Variants in TAB3 observed in about 807,000 individuals in gnomAD.
The protein encoded by TAB3 is TGF-beta-activated kinase 1 and MAP3K7-binding protein 3.
TAB3 carries 18 observed loss-of-function variants against 48.1 expected under a neutral mutation model. That is an observed-to-expected ratio of 0.37 (90% CI 0.26 to 0.55). The LOEUF is 0.55. Ranked by LOEUF, TAB3 falls within the 20% of genes least tolerant of loss-of-function variation. The pLI, the probability that TAB3 is intolerant of heterozygous loss-of-function variation, is 0.78. For synonymous variants in TAB3, 185 were observed against 190.2 expected (o/e 0.97, Z 0.22); for missense variants, 414 against 549.8 (o/e 0.75, Z 2.47).
At chrX:30,840,383 G>A (rs1938397866) in intron 9 of TAB3, among the ~76,000 whole-genome samples, 1 of 111,601 alleles carries the variant, frequency 9.0e-6, no homozygotes, top group Non-Finnish European at 1.9e-5. Context: ...ACTATCGCAT[G>A]GGAAAGAATT....
rs1208897320 is a variant in TAB3, at chrX:30,854,422, A to G, written c.1243T>C (p.Ser415Pro). ...PPSSSPSRGI[S>P]SQPKPPFSVN... is the part of the protein sequence containing the mutation. ...CTAAATGGAGGTTTTGGTTGACTAG[A>G]TATCCCTCTTGAAGGAGAACTTGAA... Residue 415 changes from serine (S) to proline (P), a missense_variant, in exon 6 of 11, where the codon TCT (serine) becomes CCT (proline). Ser to Pro is a moderately conservative substitution (Grantham distance 74). Coordinates refer to ENST00000288422, the MANE Select transcript of TAB3 (RefSeq NM_152787.5). 8.3e-7 allele frequency: 1 copy of G among 1,211,581 alleles called. No individual in the cohort carries two copies. Among genetic ancestry groups the G allele is most frequent in the Admixed American group, 2.2e-5 (1 of 46,055 alleles).
chrX:30,852,366 C>G (rs777152224), intron 7 of TAB3, among the ~76,000 whole-genome samples: 2 of 111,607 alleles, frequency 1.8e-5, no homozygotes, highest in Admixed American at 1.9e-4. Flanking sequence ...TCTAACTCAT[C>G]TGAATTAATG....
chrX:30,863,785 A>C (rs1454065101), intron 4 of TAB3, among the ~76,000 whole-genome samples: 1 of 112,059 alleles, frequency 8.9e-6, no homozygotes, highest in East Asian at 2.8e-4. Context: ...CTTTACAGTG[A>C]CATAAGAATG....
intron 10 of TAB3, among the ~76,000 whole-genome samples, chrX:30,833,308 C>T (rs139972526): frequency 1.8e-5 from 2 of 110,035 alleles, no homozygotes; most frequent in African/African-American, 3.3e-5. Flanking sequence ...TTTGTCTTTA[C>T]CTTTTAAAAG....
Position 30,855,030 on chromosome X carries a change from G to A in TAB3, c.635C>T (p.Ala212Val), listed in dbSNP as rs1939014109. 8.3e-7 allele frequency: 1 copy of A among 1,209,368 alleles called. No homozygotes were observed. The highest frequency in any genetic ancestry group is 2.2e-5 in the Admixed American group (1 of 45,690). ...TGGAATTTGTGGAAGAATTTGTAAA[G>A]CTCTTGGTACAGTCTGTCCAGAAGG... Reference protein sequence around the residue: ...NLPSGQTVPRALQILPQIPSN... With the variant: ...NLPSGQTVPRVLQILPQIPSN... Residue 212 changes from alanine (A) to valine (V), a missense_variant, in exon 6 of 11, where the codon GCT becomes GTT. Physicochemically the swap from Ala to Val is moderately conservative, Grantham distance 64. Transcript: ENST00000288422.
chrX:30,856,526 G>A (rs1253608153), intron 5 of TAB3, among the ~76,000 whole-genome samples: 4 of 112,078 alleles, frequency 3.6e-5, no homozygotes, highest in Non-Finnish European at 5.6e-5. Flanking sequence ...CTAGTGTAAA[G>A]CACATATTAT....
intron 4 of TAB3, among the ~76,000 whole-genome samples, chrX:30,866,290 A>G (rs192936766): frequency 3.9e-3 from 437 of 111,671 alleles, no homozygotes; most frequent in Middle Eastern, 0.014. Context: ...ATATGCATAA[A>G]TATATAGACT....
In TAB3 at chrX:30,877,635, T is replaced by C. The variant is rs148501440; in HGVS notation, c.-382-5834A>G. On this transcript the variant is annotated intron_variant, in intron 1 of 10. Transcript: ENST00000288422. ...AATGCTAGGGTAATCACAAAAAGAA[T>C]AAAAATGAATAAGTGATGTCTGAAG... Among the ~76,000 whole-genome samples, 695 of 110,271 alleles carry C rather than the reference T, an allele frequency of 6.3e-3. 6 individuals carry two copies. Among genetic ancestry groups the C allele is most frequent in the African/African-American group, 0.018 (555 of 30,314 alleles).
intron 9 of TAB3, among the ~76,000 whole-genome samples, 169 bp downstream of exon 9, chrX:30,842,797 G>A (rs1482552094): frequency 1.8e-5 from 2 of 111,475 alleles, no homozygotes; most frequent in Admixed American, 9.5e-5. Context: ...CTGCACTCTA[G>A]CTGGGGCAGC....
chrX:30,850,843 A>G (rs756504725), intron 7 of TAB3, among the ~76,000 whole-genome samples: 2 of 28,477 alleles, frequency 7.0e-5, no homozygotes, highest in Admixed American at 4.3e-4. Context: ...ACTTCCAATG[A>G]AAAACAAAAA....
rs756235738 is a variant in TAB3, at chrX:30,833,724, A to G, written c.1990+327T>C. 3.3e-4 allele frequency among the ~76,000 whole-genome samples: 35 copies of G among 106,799 alleles called. No individual in the cohort carries two copies. The South Asian group carries it at 6.5e-3, about 20-fold the overall frequency. The allele number at this position is 106,799 out of a possible 115,157, so 92.7% of individuals were successfully genotyped here. The stretch of plus-strand genomic sequence containing the variant: ...CAGGCACCTGTAGTCCCAGCTACAC[A>G]GGAGGCTGAGGCAGGAGAATGGTGT... On this transcript the variant is annotated intron_variant, in intron 10 of 10. Coordinates refer to ENST00000288422, the MANE Select transcript of TAB3 (RefSeq NM_152787.5).
intron 10 of TAB3, among the ~76,000 whole-genome samples, chrX:30,833,109 T>C (rs1210140299): frequency 9.2e-6 from 1 of 108,694 alleles, no homozygotes; most frequent in East Asian, 2.9e-4. Flanking sequence ...TAGCTGGGAC[T>C]ACAGGCGCCT....
At chrX:30,841,242 G>A (rs765342606) in intron 9 of TAB3, among the ~76,000 whole-genome samples, 1 of 111,464 alleles carries the variant, frequency 9.0e-6, no homozygotes, top group South Asian at 3.8e-4. Flanking sequence ...CCACCATGGT[G>A]AAACGCCGTC....
intron 1 of TAB3, among the ~76,000 whole-genome samples, chrX:30,879,651 G>A (rs765936690): frequency 1.8e-5 from 2 of 111,455 alleles, no homozygotes; most frequent in South Asian, 7.5e-4. Context: ...ATTTAATGGA[G>A]AAATGTTCAA....
intron 1 of TAB3, among the ~76,000 whole-genome samples, chrX:30,886,974 T>C (rs1040445033): frequency 3.6e-5 from 4 of 112,049 alleles, no homozygotes; most frequent in African/African-American, 1.3e-4. Flanking sequence ...TTATGGTGGA[T>C]CCCAGAAGAG....
chrX:30,855,500 A>G lies in TAB3; in HGVS notation c.165T>C (p.Tyr55=). 1 of 1,209,310 alleles carries G rather than the reference A, an allele frequency of 8.3e-7. No individual in the cohort carries two copies. ...TGTCATCTGGACTATGGTATTCCAT[A>G]TATAAGTATTTGCTACTCTCCTGGG... ...ALSQESSKYL[Y]MEYHSPDDNR... Residue 55 remains tyrosine (Y), a synonymous_variant, in exon 6 of 11, where the codon TAT becomes TAC. Coordinates refer to ENST00000288422, the MANE Select transcript of TAB3 (RefSeq NM_152787.5).
rs1569221358 is a variant in TAB3 at position 30,868,402 on chromosome X, T to TTTTATATATATATAG, written c.-279-854_-279-853insCTATATATATATAAA. Among the ~76,000 whole-genome samples the TTTTATATATATATAG allele has an allele frequency of 5.3e-4, 14 of 26,485 alleles. 4 individuals carry two copies. Among genetic ancestry groups the TTTTATATATATATAG allele is most frequent in the African/African-American group, 3.3e-3 (13 of 3,892 alleles). 23.0% of individuals were successfully genotyped at this position (26,485 alleles called of 115,157 possible). A position where few individuals can be genotyped will look rare whatever the true frequency, so the allele number is the denominator to read the frequency against. On this transcript the variant is annotated intron_variant, in intron 2 of 10. Transcript: ENST00000288422. Reference sequence around the variant, plus strand: ...TATATATAGCTTATATATATATATATAGCTTATATATATATAGCTTATATA... The same window carrying TTTTATATATATATAG: ...TATATATAGCTTATATATATATATATTTTATATATATATAGAGCTTATATATATATAGCTTATATA...
chrX:30,848,031 A>C (rs1938689875), intron 7 of TAB3, among the ~76,000 whole-genome samples: 1 of 112,577 alleles, frequency 8.9e-6, no homozygotes, highest in South Asian at 3.6e-4. Flanking sequence ...TTGAACATTT[A>C]AATTAAAGAT....
intron 9 of TAB3, chrX:30,836,651 C>G (rs1242892473): frequency 2.7e-5 from 3 of 111,022 alleles, no homozygotes; most frequent in Admixed American, 1.9e-4. Flanking sequence ...GAGACCAGCC[C>G]GGGCAACATG....
Sources: gnomAD v4.1 joint callset for allele counts (sites outside exome capture counted in the v4.1 genomes callset) on GRCh38, gnomAD v4.1.1 for gene constraint, MANE v1.5 for transcripts, NCBI Gene and HGNC (gene_info 2026-07-23, HGNC 2026-07-21) for gene names.